The following DCAF8L2 variants were observed in gnomAD, a reference collection of about 807,000 sequenced individuals.
DCAF8L2 encodes DDB1- and CUL4-associated factor 8-like protein 2.
For synonymous variants in DCAF8L2, 200 were observed against 190.9 expected, an observed-to-expected ratio of 1.05 and a Z score of -0.39; for missense variants, 430 against 490.7, an observed-to-expected ratio of 0.88 and a Z score of 1.17.
chrX:27,500,431 T>G, the DCAF8L2 span, among the ~76,000 whole-genome samples: 1 of 111,899 alleles, frequency 8.9e-6, no homozygotes, highest in Non-Finnish European at 1.9e-5. Flanking sequence ...AAATAATTTT[T>G]TATACACTGT....
the DCAF8L2 span, among the ~76,000 whole-genome samples, chrX:27,551,252 A>T: frequency 1.8e-5 from 2 of 110,050 alleles, no homozygotes; most frequent in African/African-American, 6.6e-5. Context: ...ATTTTATTGT[A>T]AGAAATTGCC....
At chrX:27,511,685 A>G in the DCAF8L2 span, among the ~76,000 whole-genome samples, 1,306 of 112,197 alleles carry the variant, frequency 0.012, 60 homozygotes, top group Admixed American at 0.1. Flanking sequence ...AGTCATTTAT[A>G]TATTTTGTGC....
chrX:27,483,290 A>G, the DCAF8L2 span, among the ~76,000 whole-genome samples: 12 of 111,575 alleles, frequency 1.1e-4, no homozygotes, highest in Non-Finnish European at 2.3e-4. Context: ...AAAGAAAAAC[A>G]TGTACATGGG....
the DCAF8L2 span, among the ~76,000 whole-genome samples, chrX:27,527,323 C>T: frequency 3.5e-3 from 390 of 112,367 alleles, 3 homozygotes; most frequent in African/African-American, 0.011. Context: ...ACCCTCCAAG[C>T]CAGGCACAGG....
chrX:27,673,601 G>A (rs1440016413), intron 2 of DCAF8L2, among the ~76,000 whole-genome samples: 1 of 105,909 alleles, frequency 9.4e-6, no homozygotes, highest in African/African-American at 3.4e-5. Context: ...TCTATATGTA[G>A]AACACTTTTT....
the DCAF8L2 span, among the ~76,000 whole-genome samples, chrX:27,475,777 C>A: frequency 9.0e-6 from 1 of 111,711 alleles, no homozygotes; most frequent in African/African-American, 3.3e-5. Flanking sequence ...AAATGCAAAC[C>A]AACACATTGT....
chrX:27,701,137 A>G (rs5926482), intron 3 of DCAF8L2, among the ~76,000 whole-genome samples: 56,104 of 110,206 alleles, frequency 0.51, 10,726 homozygotes, highest in African/African-American at 0.67. Context: ...TCTTACTGAG[A>G]TGAGTATAAT....
At chrX:27,623,751 A>G (rs1000294412) in intron 1 of DCAF8L2, among the ~76,000 whole-genome samples, 2 of 111,366 alleles carry the variant, frequency 1.8e-5, no homozygotes, top group Non-Finnish European at 3.8e-5. Context: ...ACCTCACACA[A>G]CCTCCAAGAA....
At chrX:27,564,430 A>G in the DCAF8L2 span, among the ~76,000 whole-genome samples, 1 of 111,275 alleles carries the variant, frequency 9.0e-6, no homozygotes, top group Non-Finnish European at 1.9e-5. Context: ...AGTGAATTGA[A>G]AGGTAAAGGA....
At chrX:27,712,376 C>T (rs189587348) in intron 3 of DCAF8L2, among the ~76,000 whole-genome samples, 46 of 111,528 alleles carry the variant, frequency 4.1e-4, no homozygotes, top group African/African-American at 1.4e-3. Flanking sequence ...TGTTTCTCTT[C>T]CAGTAAGTAG....
intron 2 of DCAF8L2, among the ~76,000 whole-genome samples, chrX:27,655,273 T>C (rs1440706932): frequency 8.9e-6 from 1 of 112,438 alleles, no homozygotes; most frequent in Non-Finnish European, 1.9e-5. Flanking sequence ...TTCAAGAGAT[T>C]GATTAAAATC....
At chrX:27,635,840 T>C (rs1300277836) in intron 2 of DCAF8L2, among the ~76,000 whole-genome samples, 1 of 105,378 alleles carries the variant, frequency 9.5e-6, no homozygotes, top group Non-Finnish European at 1.9e-5. Flanking sequence ...TGATGGAGTT[T>C]TGCTCTTGTT....
At chrX:27,585,052 GTT>G in the DCAF8L2 span, among the ~76,000 whole-genome samples, 1 of 106,886 alleles carries the variant, frequency 9.4e-6, no homozygotes, top group African/African-American at 3.5e-5. Context: ...AAACAATATT[GTT>G]TTTTTTTTCA....
intron 1 of DCAF8L2, among the ~76,000 whole-genome samples, chrX:27,623,816 C>A (rs1181209731): frequency 4.5e-5 from 5 of 111,296 alleles, no homozygotes; most frequent in African/African-American, 1.6e-4. Context: ...TTTCCTTTCA[C>A]ACCAATTTTG....
At chrX:27,569,867 T>C in the DCAF8L2 span, among the ~76,000 whole-genome samples, 2 of 111,518 alleles carry the variant, frequency 1.8e-5, no homozygotes, top group Non-Finnish European at 3.8e-5. Context: ...CTCAGTTTTG[T>C]TAAATGTGTT....
chrX:27,485,765 T>C, the DCAF8L2 span, among the ~76,000 whole-genome samples: 3 of 110,661 alleles, frequency 2.7e-5, no homozygotes, highest in African/African-American at 9.8e-5. Flanking sequence ...GTATTAAGCA[T>C]TATCTCATAT....
At chrX:27,508,387 A>G in the DCAF8L2 span, among the ~76,000 whole-genome samples, 1 of 111,087 alleles carries the variant, frequency 9.0e-6, no homozygotes, top group East Asian at 2.8e-4. Flanking sequence ...AGATGTATAC[A>G]GTGTCCACTC....
intron 2 of DCAF8L2, among the ~76,000 whole-genome samples, chrX:27,669,293 C>T (rs1335711012): frequency 9.1e-6 from 1 of 110,097 alleles, no homozygotes; most frequent in Non-Finnish European, 1.9e-5. Flanking sequence ...TCCCTGGTCT[C>T]GGCCTTTCCA....
At chrX:27,634,955 T>TACACACAC (rs1309465504) in intron 2 of DCAF8L2, among the ~76,000 whole-genome samples, 5 of 86,568 alleles carry the variant, frequency 5.8e-5, no homozygotes, top group African/African-American at 2.7e-4. Context: ...AAACCATGTA[T>TACACACAC]ATACACACAC....
Sources: gnomAD v4.1 joint callset for allele counts (sites outside exome capture counted in the v4.1 genomes callset) on GRCh38, gnomAD v4.1.1 for gene constraint, MANE v1.5 for transcripts, NCBI Gene and HGNC (gene_info 2026-07-23, HGNC 2026-07-21) for gene names.